The following TBC1D10C variants were observed in gnomAD, a reference collection of about 807,000 sequenced individuals.
TBC1D10C encodes TBC1 domain family member 10C.
In TBC1D10C, 49 loss-of-function variants were observed where a neutral mutation model predicts 51.0. That is an observed-to-expected ratio of 0.96 (90% CI 0.76 to 1.22). The LOEUF is 1.22. Ranked by LOEUF, TBC1D10C falls within the 50% of genes most tolerant of loss-of-function variation. TBC1D10C has a pLI of 0.00. For synonymous variants in TBC1D10C, 281 were observed against 266.7 expected (o/e 1.05, Z -0.52); for missense variants, 541 against 617.5 (o/e 0.88, Z 1.31).
chr11:67,407,056 G>A (rs202045397), intron 7 of TBC1D10C, 40 bp downstream of exon 7: 67 of 1,580,452 alleles, frequency 4.2e-5, no homozygotes, highest in South Asian at 6.8e-5. Context: ...GAGCCTTGGG[G>A]TGTGGGTGGG....
chr11:67,405,015 TG>T, intron 1 of TBC1D10C, 69 bp from the exon 2 acceptor site: 1 of 1,423,736 alleles, frequency 7.0e-7, no homozygotes, highest in Non-Finnish European at 9.6e-7. Flanking sequence ...CTGGGTAGCC[TG>T]GAGGGTGGCA....
rs1268698400 is a variant in TBC1D10C at position 67,405,196 on chromosome 11, A to AG, written c.252+16dup. On this transcript the variant is annotated intron_variant, in intron 2 of 8. Coordinates refer to ENST00000542590, the MANE Select transcript of TBC1D10C (RefSeq NM_001369496.1). ...GGCGGTACAAGAAGGTGAGGGGGGC[A>AG]GGGGCCCCACTTGGCTTCCATGGCT... 2 of 1,550,512 alleles carry AG rather than the reference A, an allele frequency of 1.3e-6. No individual in the cohort carries two copies. Among genetic ancestry groups the AG allele is most frequent in the Admixed American group, 3.9e-5 (2 of 50,964 alleles).
rs772010052 is a variant in TBC1D10C, at chr11:67,409,660, T to G, written c.1247T>G (p.Phe416Cys). ...AAACCCCAGACCCGCGGCAAGACTT[T>G]CCATGGGCTCCTGACTCGGGCCCGG... is the stretch of plus-strand genomic sequence containing the variant. ...RRKPQTRGKT[F>C]HGLLTRARGP... Residue 416 changes from phenylalanine to cysteine, a missense_variant, in exon 9 of 9, where the codon TTC becomes TGC. By Grantham distance (205) the Phe-to-Cys change is radical (BLOSUM62 -2). Transcript: ENST00000542590. 13 of 1,602,994 alleles carry G rather than the reference T, an allele frequency of 8.1e-6. No individual in the cohort carries two copies. Among genetic ancestry groups the G allele is most frequent in the Non-Finnish European group, 1.0e-5 (12 of 1,178,268 alleles).
At chr11:67,407,137 T>C in intron 7 of TBC1D10C, 121 bp downstream of exon 7, 1 of 1,185,570 alleles carries the variant, frequency 8.4e-7, no homozygotes, top group Non-Finnish European at 1.2e-6. Context: ...CCGAAGGTGA[T>C]GGCCTGGTGC....
At position 67,409,045 on chromosome 11, in the gene TBC1D10C, G is replaced by T; in HGVS notation, c.905G>T (p.Arg302Leu). 6.3e-7 allele frequency: 1 copy of T among 1,592,406 alleles called. No homozygotes were observed. Among genetic ancestry groups the T allele is most frequent in the East Asian group, 2.3e-5 (1 of 43,742 alleles). Reference sequence around the variant, plus strand: ...CTGGCGCTGGGCACTGCAGAGCAGCGAGGGGCCTGCCCTGGCCTCCTGGAG... The same window carrying T: ...CTGGCGCTGGGCACTGCAGAGCAGCTAGGGGCCTGCCCTGGCCTCCTGGAG... ...VRLALGTAEQ[R>L]GACPGLLETL... Residue 302 changes from arginine (R) to leucine (L), a missense_variant, in exon 8 of 9, where the codon CGA becomes CTA. Arg to Leu is a moderately radical substitution (Grantham distance 102). Transcript: ENST00000542590.
chr11:67,407,244 G>A (rs1863212342), intron 7 of TBC1D10C: 1 of 567,188 alleles, frequency 1.8e-6, no homozygotes, highest in African/African-American at 1.9e-5. Flanking sequence ...GCAGGAGCAG[G>A]GTGATCACAG....
chr11:67,406,141 G>A lies in TBC1D10C; in HGVS notation c.582+124G>A, dbSNP rs550694088. On this transcript the variant is annotated intron_variant, in intron 5 of 8. Transcript: ENST00000542590. ...CCTGGACCCTGTCCTAGTGACCCAG[G>A]TCCTCATGACTGCCAGCCTCAGTGA... 216 of 812,690 alleles carry A rather than the reference G, an allele frequency of 2.7e-4. No homozygotes were observed. In the South Asian group the frequency reaches 4.2e-3, roughly 16 times the overall value. The allele number at this position is 812,690 out of a possible 1,614,324, so 50.3% of individuals were successfully genotyped here. A position where few individuals can be genotyped will look rare whatever the true frequency, so the allele number is the denominator to read the frequency against.
Position 67,406,418 on chromosome 11 carries a change from C to G in TBC1D10C, c.583-209C>G, listed in dbSNP as rs1278396956. 6.7e-6 allele frequency: 4 copies of G among 595,994 alleles called. No homozygotes were observed. In the East Asian group the frequency reaches 1.1e-4, roughly 17 times the overall value. 36.9% of individuals were successfully genotyped at this position (595,994 alleles called of 1,614,324 possible). A position where few individuals can be genotyped will look rare whatever the true frequency, so the allele number is the denominator to read the frequency against. ...ACCATGAGCCCTGTGATTTCCAACA[C>G]CCTAAACCCCTCAGCAGACCCTGTC... On this transcript the variant is annotated intron_variant, in intron 5 of 8. Transcript: ENST00000542590.
At chr11:67,409,239 C>G in intron 8 of TBC1D10C, 106 bp downstream of exon 8, 1 of 1,431,062 alleles carries the variant, frequency 7.0e-7, no homozygotes, top group South Asian at 1.5e-5. Flanking sequence ...AGTTCCTGTC[C>G]CCTGAGCTTC....
intron 7 of TBC1D10C, chr11:67,407,858 T>C (rs1863254226): frequency 6.6e-6 from 1 of 152,340 alleles, no homozygotes; most frequent in Admixed American, 6.5e-5. Flanking sequence ...GCATACTGAA[T>C]GCCTGTCGTG....
intron 2 of TBC1D10C, 87 bp downstream of exon 2, chr11:67,405,271 G>A (rs1863102233): frequency 6.7e-7 from 1 of 1,501,534 alleles, no homozygotes; most frequent in Non-Finnish European, 9.0e-7. Flanking sequence ...CCCACCCTGT[G>A]TCCCAGCACC....
chr11:67,406,716 G>C (rs1431550233), intron 6 of TBC1D10C, 24 bp downstream of exon 6: 2 of 1,577,576 alleles, frequency 1.3e-6, no homozygotes, highest in Non-Finnish European at 1.7e-6. Context: ...ATGGGGGCTG[G>C]AGGAAGGAGG....
chr11:67,409,872 G>A lies in TBC1D10C; in HGVS notation c.*118G>A. The A allele has an allele frequency of 1.1e-6, 1 of 896,312 alleles. No individual in the cohort carries two copies. Among genetic ancestry groups the A allele is most frequent in the Non-Finnish European group, 1.7e-6 (1 of 604,634 alleles). 55.5% of individuals were successfully genotyped at this position (896,312 alleles called of 1,614,324 possible). ...GGGACTTGGCTTCCTTCCTGGCAAG[G>A]ACCAGGCAGTGGGGAAGGAGGAGGT... On this transcript the variant is annotated 3_prime_UTR_variant, in exon 9 of 9. Coordinates refer to ENST00000542590, the MANE Select transcript of TBC1D10C (RefSeq NM_001369496.1).
chr11:67,408,818 C>T lies in TBC1D10C; in HGVS notation c.839-161C>T. ...GAGGCTAACTTGGCCAGTACAGCGG[C>T]CTGTGTTACCCGAAATGCAACTCCA... On this transcript the variant is annotated intron_variant, in intron 7 of 8. Coordinates refer to ENST00000542590, the MANE Select transcript of TBC1D10C (RefSeq NM_001369496.1). 2 of 913,640 alleles carry T rather than the reference C, an allele frequency of 2.2e-6. 1 individual carries two copies. Among genetic ancestry groups the T allele is most frequent in the South Asian group, 4.4e-5 (2 of 45,644 alleles). The allele number at this position is 913,640 out of a possible 1,614,324, so 56.6% of individuals were successfully genotyped here.
chr11:67,405,594 G>A lies in TBC1D10C; in HGVS notation c.361-1G>A. The A allele has an allele frequency of 6.2e-7, 1 of 1,613,968 alleles. No homozygotes were observed. Among genetic ancestry groups the A allele is most frequent in the Non-Finnish European group, 8.5e-7 (1 of 1,179,962 alleles). ...ACACCCACCTTCCTGGCTACCCACA[G>A]GAGCTGGCAGAGGCCCCTGGAGACC... On this transcript the variant is annotated splice_acceptor_variant, in intron 3 of 8. Transcript: ENST00000542590. LOFTEE classifies it high-confidence loss of function.
At chr11:67,406,118 TG>T in intron 5 of TBC1D10C, 101 bp downstream of exon 5, 1 of 1,029,022 alleles carries the variant, frequency 9.7e-7, no homozygotes, top group Non-Finnish European at 1.4e-6. Flanking sequence ...CCTTGATTCC[TG>T]GACCCTGTCC....
intron 1 of TBC1D10C, 199 bp from the exon 2 acceptor site, chr11:67,404,886 C>G (rs1863078080): frequency 3.5e-6 from 2 of 572,962 alleles, no homozygotes; most frequent in East Asian, 5.7e-5. Context: ...CAGTCTCCTG[C>G]TTCTGCCCAC....
rs1454920567 is a variant in TBC1D10C at position 67,409,509 on chromosome 11, G to C, written c.1096G>C (p.Val366Leu). 6.5e-7 allele frequency: 1 copy of C among 1,548,452 alleles called. No homozygotes were observed. The highest frequency in any genetic ancestry group is 8.7e-7 in the Non-Finnish European group (1 of 1,146,296). The stretch of plus-strand genomic sequence containing the variant: ...GCCGGGACCCCCGCCCCGGCCACAG[G>C]TCCGCCTCGCCGGGGCCCAAGCCAT... ...SAPGPPPRPQ[V>L]RLAGAQAIFE... The change falls in exon 9 of 9, where the codon GTC (valine) becomes CTC (leucine). Residue 366 changes from valine (V) to leucine (L), a missense_variant. Physicochemically the swap from Val to Leu is conservative, Grantham distance 32. Transcript: ENST00000542590.
Position 67,409,287 on chromosome 11 carries a change from G to C in TBC1D10C, c.994-120G>C, listed in dbSNP as rs891575153. On this transcript the variant is annotated intron_variant, in intron 8 of 8. Transcript: ENST00000542590. ...AACCTGAGGCCTCCAGTGGCTTTCT[G>C]TGGCTCCCCAGTGAGGCTGTCAGCC... The C allele has an allele frequency of 2.1e-5, 29 of 1,390,630 alleles. No homozygotes were observed. The African/African-American group carries it at 3.1e-4, about 15-fold the overall frequency. 86.1% of individuals were successfully genotyped at this position (1,390,630 alleles called of 1,614,324 possible). A position where few individuals can be genotyped will look rare whatever the true frequency, so the allele number is the denominator to read the frequency against.
Sources: allele counts gnomAD v4.1 joint callset, GRCh38; gene constraint gnomAD v4.1.1; transcripts MANE v1.5; gene names NCBI Gene and HGNC (gene_info 2026-07-23, HGNC 2026-07-21).